The following REEP1 variants were observed in gnomAD, a reference collection of about 807,000 sequenced individuals.
REEP1 encodes receptor expression-enhancing protein 1.
Under a neutral mutation model 40.3 loss-of-function variants are expected in REEP1, and 22 were observed. That is an observed-to-expected ratio of 0.55 (90% CI 0.39 to 0.78). REEP1 has a LOEUF of 0.78. Among genes scored for constraint, REEP1 ranks in the 30% least tolerant of loss-of-function variants. The probability of loss-of-function intolerance (pLI) is 0.00; values close to 1 mark genes in which losing one functional copy is unlikely to be tolerated. For missense variants in REEP1, 280 were observed against 361.1 expected (o/e 0.78, Z 1.82); for synonymous variants, 116 against 139.2 (o/e 0.83, Z 1.17).
rs1681093120 is a variant in REEP1, at chr2:86,337,282, C to A, written c.32+197G>T. On this transcript the variant is annotated intron_variant, in intron 1 of 8. Transcript: ENST00000538924. This position sits in a 1 kb window ranked among gnomAD's most constrained non-coding sequence, Gnocchi z 5.8. Reference sequence around the variant, plus strand: ...GCAAGCGGCCGCCGGCGCCGGCTGCCTCCTGGGCAGCAGCCGCGTCCTGCG... The same window carrying A: ...GCAAGCGGCCGCCGGCGCCGGCTGCATCCTGGGCAGCAGCCGCGTCCTGCG... 3.3e-6 allele frequency: 1 copy of A among 302,706 alleles called. No individual in the cohort carries two copies. The highest frequency in any genetic ancestry group is 5.8e-6 in the Non-Finnish European group (1 of 171,236). The allele number at this position is 302,706 out of a possible 1,614,324, so 18.8% of individuals were successfully genotyped here. A position where few individuals can be genotyped will look rare whatever the true frequency, so the allele number is the denominator to read the frequency against.
chr2:86,231,829 G>A (rs894385028), intron 6 of REEP1, among the ~76,000 whole-genome samples: 4 of 152,184 alleles, frequency 2.6e-5, no homozygotes, highest in Non-Finnish European at 5.9e-5. Flanking sequence ...TGAAACCCGT[G>A]CTGGTGGATC....
At chr2:86,249,477 G>A (rs1676152706) in intron 5 of REEP1, among the ~76,000 whole-genome samples, 1 of 152,090 alleles carries the variant, frequency 6.6e-6, no homozygotes, top group Admixed American at 6.6e-5. Context: ...CATCACCTGT[G>A]CCCCCTATGG....
chr2:86,283,351 A>T (rs762058571), intron 1 of REEP1, among the ~76,000 whole-genome samples: 3 of 152,200 alleles, frequency 2.0e-5, no homozygotes, highest in Non-Finnish European at 4.4e-5. Context: ...CCCAGGTGCC[A>T]ACTTAAGGCC....
chr2:86,267,230 T>C (rs1677196489), intron 2 of REEP1, among the ~76,000 whole-genome samples: 1 of 151,956 alleles, frequency 6.6e-6, no homozygotes, highest in Non-Finnish European at 1.5e-5. Context: ...TGGGAGGTGA[T>C]TGGTTCATGG....
chr2:86,217,069 A>T lies in REEP1; in HGVS notation c.825T>A (p.Ser275Arg). The change falls in exon 9 of 9, where the codon AGT (serine) becomes AGA (arginine). Residue 275 changes from serine (S) to arginine (R), a missense_variant. Physicochemically the swap from Ser to Arg is moderately radical, Grantham distance 110. This residue lies in a region of REEP1 where 201 missense variants were observed against 238.5 expected (regional missense o/e 0.84). Coordinates refer to ENST00000538924, the MANE Select transcript of REEP1 (RefSeq NM_001371279.1). ...TGGTTTCGGTGGCCGAGGATGAGGTACTTTTCTTCCTGAAGCGAGATCGAA... is the reference window on the plus strand; with the variant it reads ...TGGTTTCGGTGGCCGAGGATGAGGTTCTTTTCTTCCTGAAGCGAGATCGAA... Reference protein sequence around the residue: ...RILRSRFRKKSTSSSATETT With the variant: ...RILRSRFRKKRTSSSATETT The T allele has an allele frequency of 6.2e-7, 1 of 1,614,162 alleles. No individual in the cohort carries two copies. The highest frequency in any genetic ancestry group is 8.5e-7 in the Non-Finnish European group (1 of 1,180,006).
Position 86,314,633 on chromosome 2 carries a change from C to T in REEP1, c.32+22846G>A, listed in dbSNP as rs142314656. Among the ~76,000 whole-genome samples, 264 of 151,866 alleles carry T rather than the reference C, an allele frequency of 1.7e-3. 1 individual carries two copies. Among genetic ancestry groups the T allele is most frequent in the African/African-American group, 6.2e-3 (257 of 41,460 alleles). On this transcript the variant is annotated intron_variant, in intron 1 of 8. Coordinates refer to ENST00000538924, the MANE Select transcript of REEP1 (RefSeq NM_001371279.1). ...ACGGACCAGCCAATTCTGCACTCCT[C>T]ACCTCCTCTTCTTCCCCAGTGTGCT...
In REEP1 at chr2:86,337,572, GGCT is replaced by G; in HGVS notation, c.-65_-63del. ...GCTCGGCTAGGCTGCGGGCGGCGCG[GGCT>G]GCTGCGGCGTTCCCGGAACGTCAGT... On this transcript the variant is annotated 5_prime_UTR_variant, in exon 1 of 9. Coordinates refer to ENST00000538924, the MANE Select transcript of REEP1 (RefSeq NM_001371279.1). This position sits in a 1 kb window ranked among gnomAD's most constrained non-coding sequence, Gnocchi z 5.8. 8.4e-7 allele frequency: 1 copy of G among 1,192,278 alleles called. No individual in the cohort carries two copies. The highest frequency in any genetic ancestry group is 1.0e-6 in the Non-Finnish European group (1 of 964,048). 73.9% of individuals were successfully genotyped at this position (1,192,278 alleles called of 1,614,324 possible).
intron 5 of REEP1, among the ~76,000 whole-genome samples, chr2:86,235,674 A>G (rs569933669): frequency 3.3e-5 from 5 of 152,344 alleles, no homozygotes; most frequent in African/African-American, 1.2e-4. Flanking sequence ...GCTCAGCAAC[A>G]TATGTGAGAG....
Position 86,316,336 on chromosome 2 carries a change from C to T in REEP1, c.32+21143G>A, listed in dbSNP as rs181920280. Among the ~76,000 whole-genome samples the T allele has an allele frequency of 3.9e-3, 597 of 151,766 alleles. 4 individuals are homozygous for T. The highest frequency in any genetic ancestry group is 0.014 in the African/African-American group (565 of 41,342). On this transcript the variant is annotated intron_variant, in intron 1 of 8. Coordinates refer to ENST00000538924, the MANE Select transcript of REEP1 (RefSeq NM_001371279.1). ...GACGGATCACCTGAGGTCAGAAGTT[C>T]AAGACCAGCCTAGCCAACATGATGA...
chr2:86,235,078 C>T (rs901752658), intron 5 of REEP1, among the ~76,000 whole-genome samples: 7 of 152,204 alleles, frequency 4.6e-5, no homozygotes, highest in African/African-American at 1.2e-4. Context: ...CTCATTTCTT[C>T]GTTTACTTTA....
chr2:86,311,674 G>A (rs1272206193), intron 1 of REEP1, among the ~76,000 whole-genome samples: 2 of 152,130 alleles, frequency 1.3e-5, no homozygotes, highest in African/African-American at 2.4e-5. Context: ...CCCTAATCCA[G>A]TATGAACTCA....
At chr2:86,282,363 A>G in intron 1 of REEP1, 121 bp from the exon 2 acceptor site, 4 of 767,662 alleles carry the variant, frequency 5.2e-6, no homozygotes, top group Non-Finnish European at 9.1e-6. Flanking sequence ...GTGGGGCTTG[A>G]TTTATTTTTA....
At chr2:86,232,603 G>A in intron 6 of REEP1, 22 bp downstream of exon 6, 1 of 1,610,910 alleles carries the variant, frequency 6.2e-7, no homozygotes, top group Non-Finnish European at 8.5e-7. Context: ...GTGGGAAAGA[G>A]GGGAAGTAAA....
chr2:86,254,997 CCCAACG>C, intron 3 of REEP1, 183 bp from the exon 4 acceptor site: 2 of 574,832 alleles, frequency 3.5e-6, no homozygotes, highest in Non-Finnish European at 6.1e-6. Context: ...ACAGTACAAC[CCCAACG>C]CCTCTCTTTG....
intron 1 of REEP1, among the ~76,000 whole-genome samples, chr2:86,290,823 T>C (rs770459578): frequency 2.6e-5 from 4 of 152,176 alleles, no homozygotes; most frequent in Non-Finnish European, 4.4e-5. Flanking sequence ...CAGGTTCCCA[T>C]AGCACAGCAA....
At chr2:86,272,877 C>A (rs1055360651) in intron 2 of REEP1, among the ~76,000 whole-genome samples, 1 of 152,126 alleles carries the variant, frequency 6.6e-6, no homozygotes, top group East Asian at 1.9e-4. Context: ...AATCCCCGCA[C>A]TTTGGGAGGC....
In REEP1 at chr2:86,337,553, C is replaced by T; in HGVS notation, c.-43G>A. On this transcript the variant is annotated 5_prime_UTR_variant, in exon 1 of 9. Transcript: ENST00000538924. This position sits in a 1 kb window ranked among gnomAD's most constrained non-coding sequence, Gnocchi z 5.8. ...GCGAGGCCCGGGCGGCGCGGCTCGG[C>T]TAGGCTGCGGGCGGCGCGGGCTGCT... The T allele has an allele frequency of 8.2e-7, 1 of 1,220,434 alleles. No homozygotes were observed. The highest frequency in any genetic ancestry group is 1.0e-6 in the Non-Finnish European group (1 of 981,038). The allele number at this position is 1,220,434 out of a possible 1,614,324, so 75.6% of individuals were successfully genotyped here.
chr2:86,325,971 G>A (rs927834797), intron 1 of REEP1, among the ~76,000 whole-genome samples: 3 of 152,160 alleles, frequency 2.0e-5, no homozygotes, highest in Admixed American at 6.5e-5. Context: ...ATGCTACAGT[G>A]TCCCCCCGGT....
In REEP1 at chr2:86,273,369, C is replaced by T. The variant is rs149403390; in HGVS notation, c.105+8801G>A. 3.0e-4 allele frequency among the ~76,000 whole-genome samples: 46 copies of T among 151,274 alleles called. 1 individual carries two copies. The East Asian group carries it at 5.5e-3, about 18-fold the overall frequency. The stretch of plus-strand genomic sequence containing the variant: ...GTGCAAACACAGCTCACTGCAGTCT[C>T]GACCTGCTGGGCTCAAGTGATTCTC... On this transcript the variant is annotated intron_variant, in intron 2 of 8. Transcript: ENST00000538924.
Sources: allele counts gnomAD v4.1 joint callset (sites outside exome capture counted in the v4.1 genomes callset), GRCh38; gene constraint gnomAD v4.1.1; regional missense constraint gnomAD v4.1.1; non-coding constraint Gnocchi (gnomAD v3.1); transcripts MANE v1.5; gene names NCBI Gene and HGNC (gene_info 2026-07-23, HGNC 2026-07-21).